The following CHCHD3 variants were observed in gnomAD, a reference collection of about 807,000 sequenced individuals.
CHCHD3 encodes the protein MICOS complex subunit MIC19.
In CHCHD3, 20 loss-of-function variants were observed where a neutral mutation model predicts 38.2. The observed-to-expected ratio is 0.52, with a 90% CI of 0.37 to 0.76. The LOEUF (loss-of-function observed/expected upper bound fraction) is 0.76. Ranked by LOEUF, CHCHD3 falls within the 30% of genes least tolerant of loss-of-function variation. The pLI, the probability that CHCHD3 is intolerant of heterozygous loss-of-function variation, is 0.00. For missense variants in CHCHD3, 245 were observed against 279.2 expected (o/e 0.88, Z 0.87); for synonymous variants, 82 against 100.0 (o/e 0.82, Z 1.07).
chr7:132,919,202 G>C (rs1157717045), intron 4 of CHCHD3, among the ~76,000 whole-genome samples: 1 of 129,522 alleles, frequency 7.7e-6, no homozygotes. Context: ...TCCGCCTCCC[G>C]GGTTCACACC....
chr7:132,929,404 C>G (rs1027191915), intron 4 of CHCHD3, among the ~76,000 whole-genome samples: 20 of 152,108 alleles, frequency 1.3e-4, no homozygotes, highest in Non-Finnish European at 2.6e-4. Context: ...TCTTTCTCAG[C>G]CTGCTGCTTA....
At chr7:133,022,764 T>C (rs1813225073) in intron 3 of CHCHD3, among the ~76,000 whole-genome samples, 1 of 151,234 alleles carries the variant, frequency 6.6e-6, no homozygotes, top group Non-Finnish European at 1.5e-5. Flanking sequence ...GATATGAAAT[T>C]GGCTTTCACT....
At chr7:132,887,029 C>T in intron 4 of CHCHD3, 1 of 1,119,716 alleles carries the variant, frequency 8.9e-7, no homozygotes, top group East Asian at 3.2e-5. Context: ...TATTTAACAA[C>T]ATAAGTACTG....
chr7:132,972,941 G>A (rs1811648264), intron 4 of CHCHD3: 1 of 985,392 alleles, frequency 1.0e-6, no homozygotes, highest in Non-Finnish European at 1.2e-6. Flanking sequence ...GATTTATTAG[G>A]TAAAACAGAA....
chr7:132,820,624 T>G (rs886891674), intron 6 of CHCHD3, among the ~76,000 whole-genome samples: 27 of 150,528 alleles, frequency 1.8e-4, no homozygotes, highest in Middle Eastern at 3.4e-3. Flanking sequence ...TTTTTTTTTT[T>G]TTTTTTTTTT....
chr7:132,869,823 G>T (rs1585589012), intron 5 of CHCHD3, among the ~76,000 whole-genome samples: 2 of 151,984 alleles, frequency 1.3e-5, no homozygotes, highest in Non-Finnish European at 2.9e-5. Flanking sequence ...GGCTCAGCGA[G>T]CCTCCTGCCT....
intron 4 of CHCHD3, among the ~76,000 whole-genome samples, chr7:132,928,509 C>T (rs1465795732): frequency 6.6e-6 from 1 of 151,960 alleles, no homozygotes; most frequent in African/African-American, 2.4e-5. Context: ...CCAGCCTGGC[C>T]AACATAGTGA....
chr7:132,940,403 T>G (rs768316999), intron 4 of CHCHD3, among the ~76,000 whole-genome samples: 10 of 152,160 alleles, frequency 6.6e-5, no homozygotes, highest in Non-Finnish European at 1.5e-4. Flanking sequence ...CCAAGGCCTA[T>G]CCCTTGATAC....
chr7:132,896,563 C>T (rs1809505158), intron 4 of CHCHD3, among the ~76,000 whole-genome samples: 2 of 152,140 alleles, frequency 1.3e-5, no homozygotes, highest in South Asian at 2.1e-4. Context: ...CAAGAACACT[C>T]GTCACAATCC....
intron 6 of CHCHD3, among the ~76,000 whole-genome samples, chr7:132,819,868 G>C (rs866210654): frequency 2.0e-5 from 3 of 152,336 alleles, no homozygotes; most frequent in Admixed American, 6.5e-5. Context: ...GGGCCAAAGC[G>C]TGAGTGCGGA....
intron 4 of CHCHD3, among the ~76,000 whole-genome samples, chr7:132,913,953 T>C (rs1232424368): frequency 2.8e-5 from 4 of 141,704 alleles, no homozygotes; most frequent in Admixed American, 6.9e-5. Flanking sequence ...TTTTTCTTTT[T>C]TTTTTTTTTT....
chr7:132,926,618 G>T (rs12707061), intron 4 of CHCHD3, among the ~76,000 whole-genome samples: 43,088 of 151,898 alleles, frequency 0.28, 6,567 homozygotes, highest in Non-Finnish European at 0.34. Context: ...TCATCCCCTG[G>T]TATCTGCAGA....
intron 6 of CHCHD3, among the ~76,000 whole-genome samples, chr7:132,813,874 T>C (rs1807135914): frequency 6.6e-6 from 1 of 152,108 alleles, no homozygotes; most frequent in African/African-American, 2.4e-5. Flanking sequence ...CAGCATGGGG[T>C]ACATAATGAA....
At chr7:133,047,984 G>C (rs1431763574) in intron 2 of CHCHD3, among the ~76,000 whole-genome samples, 1 of 152,174 alleles carries the variant, frequency 6.6e-6, no homozygotes, top group Non-Finnish European at 1.5e-5. Context: ...AGCTACTCGG[G>C]AGGCTGAGGC....
At chr7:132,999,547 G>A (rs1035293) in intron 3 of CHCHD3, among the ~76,000 whole-genome samples, 67,624 of 151,828 alleles carry the variant, frequency 0.45, 15,322 homozygotes, top group East Asian at 0.55. Context: ...TTTCTATAAA[G>A]GAGGAAAATA....
chr7:132,881,646 T>C (rs1809060488), intron 5 of CHCHD3, among the ~76,000 whole-genome samples: 1 of 152,204 alleles, frequency 6.6e-6, no homozygotes, highest in Non-Finnish European at 1.5e-5. Context: ...GATATGTGCT[T>C]ATGTCCACTT....
At chr7:132,826,241 C>T (rs1807506142) in intron 6 of CHCHD3, among the ~76,000 whole-genome samples, 1 of 152,190 alleles carries the variant, frequency 6.6e-6, no homozygotes, top group Admixed American at 6.5e-5. Context: ...AATCTCACCA[C>T]ACAGCAGCAG....
At chr7:132,882,380 C>T (rs1809083637) in intron 5 of CHCHD3, among the ~76,000 whole-genome samples, 1 of 151,878 alleles carries the variant, frequency 6.6e-6, no homozygotes, top group Non-Finnish European at 1.5e-5. Context: ...TTTCTAAGCT[C>T]ACTGGTGCTT....
At chr7:132,818,173 T>G (rs965364720) in intron 6 of CHCHD3, among the ~76,000 whole-genome samples, 18 of 152,236 alleles carry the variant, frequency 1.2e-4, no homozygotes, top group Admixed American at 1.2e-3. Flanking sequence ...TGGCAACCTT[T>G]TCATAAATCA....
Sources: allele counts gnomAD v4.1 joint callset (sites outside exome capture counted in the v4.1 genomes callset), GRCh38; gene constraint gnomAD v4.1.1; transcripts MANE v1.5; gene names NCBI Gene and HGNC (gene_info 2026-07-23, HGNC 2026-07-21).